The following TTC29 variants were observed in gnomAD, a reference collection of about 807,000 sequenced individuals.
TTC29 encodes tetratricopeptide repeat domain 29.
TTC29 carries 49 observed loss-of-function variants against 58.1 expected under a neutral mutation model. That is an observed-to-expected ratio of 0.84 (90% CI 0.67 to 1.07). The LOEUF (loss-of-function observed/expected upper bound fraction) is 1.07, where lower values mean the gene tolerates loss of function less well. Among genes scored for constraint, TTC29 ranks in the 50% least tolerant of loss-of-function variants. The pLI, the probability that TTC29 is intolerant of heterozygous loss-of-function variation, is 0.00. For missense variants in TTC29, 582 were observed against 555.6 expected (o/e 1.05, Z -0.48); for synonymous variants, 209 against 196.8 (o/e 1.06, Z -0.52).
chr4:146,796,274 T>C (rs556596763), intron 11 of TTC29, among the ~76,000 whole-genome samples: 1 of 151,906 alleles, frequency 6.6e-6, no homozygotes, highest in South Asian at 2.1e-4. Context: ...TTTAGGATTA[T>C]CTTAAATTCA....
At chr4:146,722,997 C>T (rs1743484785) in intron 11 of TTC29, among the ~76,000 whole-genome samples, 2 of 152,092 alleles carry the variant, frequency 1.3e-5, no homozygotes, top group South Asian at 4.1e-4. Flanking sequence ...GGCACCTGGC[C>T]TGAATTAAAG....
intron 11 of TTC29, among the ~76,000 whole-genome samples, chr4:146,756,489 G>A (rs1005246187): frequency 1.3e-5 from 2 of 152,102 alleles, no homozygotes; most frequent in African/African-American, 4.8e-5. Flanking sequence ...TTCACTGTCT[G>A]TTTAGGGTGA....
chr4:146,874,570 G>A, intron 7 of TTC29, 146 bp downstream of exon 7: 1 of 698,290 alleles, frequency 1.4e-6, no homozygotes. Context: ...GTTTTACAGT[G>A]AAATTTGAAA....
At chr4:146,865,592 C>A (rs1260319352) in intron 8 of TTC29, among the ~76,000 whole-genome samples, 2 of 152,102 alleles carry the variant, frequency 1.3e-5, no homozygotes, top group African/African-American at 4.8e-5. Flanking sequence ...CAATCATACC[C>A]CAAACCTCAG....
intron 11 of TTC29, among the ~76,000 whole-genome samples, chr4:146,748,692 G>C (rs892906511): frequency 6.6e-6 from 1 of 152,212 alleles, no homozygotes; most frequent in African/African-American, 2.4e-5. Context: ...CATGGAACAA[G>C]AGTCATCACA....
intron 6 of TTC29, among the ~76,000 whole-genome samples, chr4:146,879,363 TG>T (rs1325516396): frequency 1.3e-5 from 2 of 152,186 alleles, no homozygotes; most frequent in Non-Finnish European, 2.9e-5. Context: ...TTTCCAACTG[TG>T]AATTGGATTT....
At chr4:146,807,271 C>T (rs1406810761) in intron 10 of TTC29, among the ~76,000 whole-genome samples, 1 of 151,992 alleles carries the variant, frequency 6.6e-6, no homozygotes, top group Admixed American at 6.6e-5. Context: ...CACTAAATGC[C>T]CACATTGAAA....
In TTC29 at chr4:146,767,612, T is replaced by C. The variant is rs574645322; in HGVS notation, c.1330+35845A>G. On this transcript the variant is annotated intron_variant, in intron 11 of 12. Coordinates refer to ENST00000325106, the MANE Select transcript of TTC29 (RefSeq NM_031956.4). The stretch of plus-strand genomic sequence containing the variant: ...ACTCTGTTAATTCACATAACATACC[T>C]GAAGTAGGATATTATTGTCTATATT... 8.4e-4 allele frequency among the ~76,000 whole-genome samples: 128 copies of C among 152,226 alleles called. 2 individuals carry two copies. Among genetic ancestry groups the C allele is most frequent in the African/African-American group, 2.5e-3 (102 of 41,568 alleles).
intron 8 of TTC29, among the ~76,000 whole-genome samples, chr4:146,865,557 A>G (rs1178277186): frequency 1.3e-5 from 2 of 152,194 alleles, no homozygotes; most frequent in Non-Finnish European, 2.9e-5. Flanking sequence ...ATCAGGTACT[A>G]TGCTCACTAT....
At chr4:146,862,978 C>T (rs555536086) in intron 8 of TTC29, among the ~76,000 whole-genome samples, 3 of 151,976 alleles carry the variant, frequency 2.0e-5, no homozygotes, top group Admixed American at 6.6e-5. Flanking sequence ...AAAAATTAGC[C>T]GGGCGTGGTG....
chr4:146,909,467 T>C (rs1329686694), intron 4 of TTC29, among the ~76,000 whole-genome samples: 1 of 152,196 alleles, frequency 6.6e-6, no homozygotes, highest in African/African-American at 2.4e-5. Context: ...GTAATTTTAA[T>C]GAAATTACAT....
At chr4:146,820,274 A>C (rs1751727387) in intron 9 of TTC29, 26 bp from the exon 10 acceptor site, 49 of 1,603,372 alleles carry the variant, frequency 3.1e-5, no homozygotes, top group Non-Finnish European at 3.9e-5. Context: ...TAGGAAGTCA[A>C]TGGAGTATCA....
chr4:146,747,678 AC>A (rs1330716229), intron 11 of TTC29, among the ~76,000 whole-genome samples: 1 of 152,118 alleles, frequency 6.6e-6, no homozygotes, highest in Non-Finnish European at 1.5e-5. Flanking sequence ...GGCCTCCAAA[AC>A]ACCAGAGCAG....
chr4:146,813,375 C>T (rs1197303531), intron 10 of TTC29, among the ~76,000 whole-genome samples: 1 of 152,196 alleles, frequency 6.6e-6, no homozygotes, highest in African/African-American at 2.4e-5. Context: ...TTTCAATTAA[C>T]AGTCCATCAA....
At chr4:146,909,602 CA>C (rs1733762700) in intron 4 of TTC29, among the ~76,000 whole-genome samples, 1 of 151,916 alleles carries the variant, frequency 6.6e-6, no homozygotes, top group Non-Finnish European at 1.5e-5. Context: ...ACAAGTCAAG[CA>C]AAAATAAAAC....
At chr4:146,786,009 A>ACT (rs1327991787) in intron 11 of TTC29, among the ~76,000 whole-genome samples, 9 of 149,594 alleles carry the variant, frequency 6.0e-5, no homozygotes, top group South Asian at 2.1e-4. Flanking sequence ...ACACACACAC[A>ACT]CTCACACACC....
At chr4:146,728,221 G>A (rs980218563) in intron 11 of TTC29, among the ~76,000 whole-genome samples, 2 of 151,874 alleles carry the variant, frequency 1.3e-5, no homozygotes, top group Non-Finnish European at 2.9e-5. Flanking sequence ...TGGAGGCAAA[G>A]GTTGCAGTGA....
chr4:146,847,038 T>C (rs1729218441), intron 8 of TTC29, among the ~76,000 whole-genome samples: 1 of 152,174 alleles, frequency 6.6e-6, no homozygotes, highest in Non-Finnish European at 1.5e-5. Flanking sequence ...AGGAAAGTCT[T>C]CCACTGAATG....
intron 4 of TTC29, among the ~76,000 whole-genome samples, chr4:146,931,051 T>C (rs943098542): frequency 6.6e-6 from 1 of 152,070 alleles, no homozygotes; most frequent in African/African-American, 2.4e-5. Flanking sequence ...GAAATTTTCT[T>C]AAAAAAACTG....
Sources: allele counts gnomAD v4.1 joint callset (sites outside exome capture counted in the v4.1 genomes callset), GRCh38; gene constraint gnomAD v4.1.1; transcripts MANE v1.5; gene names NCBI Gene and HGNC (gene_info 2026-07-23, HGNC 2026-07-21).